The following PCCA variants were observed in gnomAD, a reference collection of about 807,000 sequenced individuals.
The protein encoded by PCCA is propionyl-CoA carboxylase alpha chain, mitochondrial.
In PCCA, 74 loss-of-function variants were observed where a neutral mutation model predicts 101.3. That is an observed-to-expected ratio of 0.73 (90% CI 0.61 to 0.89). The LOEUF (loss-of-function observed/expected upper bound fraction) is 0.89. PCCA is among the 40% of genes least tolerant of loss of function. PCCA has a pLI of 0.00. For missense variants in PCCA, 891 were observed against 907.0 expected (o/e 0.98, Z 0.23); for synonymous variants, 294 against 313.6 (o/e 0.94, Z 0.66).
chr13:100,450,389 G>A (rs1331173828), intron 21 of PCCA, among the ~76,000 whole-genome samples: 2 of 148,540 alleles, frequency 1.3e-5, no homozygotes, highest in African/African-American at 2.5e-5. Context: ...GCGAGACCCC[G>A]TCTCAAAAAA....
intron 19 of PCCA, among the ~76,000 whole-genome samples, chr13:100,418,843 AAAG>A (rs1182824463): frequency 6.6e-6 from 1 of 151,548 alleles, no homozygotes; most frequent in East Asian, 1.9e-4. Flanking sequence ...CAAAAAAAAA[AAAG>A]AAAAAAGAAG....
chr13:100,231,311 G>A (rs1478790198), intron 7 of PCCA, among the ~76,000 whole-genome samples: 2 of 152,322 alleles, frequency 1.3e-5, no homozygotes, highest in Non-Finnish European at 2.9e-5. Flanking sequence ...GGTAAAAGGG[G>A]AGAGAGTTAC....
At chr13:100,356,871 T>G (rs1332230919) in intron 18 of PCCA, among the ~76,000 whole-genome samples, 1 of 152,190 alleles carries the variant, frequency 6.6e-6, no homozygotes, top group Non-Finnish European at 1.5e-5. Flanking sequence ...GTTCATAGAA[T>G]GGATTATTTT....
intron 8 of PCCA, among the ~76,000 whole-genome samples, chr13:100,238,095 T>G (rs929173306): frequency 6.6e-6 from 1 of 151,812 alleles, no homozygotes; most frequent in African/African-American, 2.4e-5. Context: ...CACACCACAA[T>G]GCCAGCTAAT....
At chr13:100,185,717 G>A (rs920989403) in intron 6 of PCCA, among the ~76,000 whole-genome samples, 2 of 151,238 alleles carry the variant, frequency 1.3e-5, no homozygotes, top group Non-Finnish European at 2.9e-5. Context: ...GTGCGATCTC[G>A]GCTCACCGCA....
At chr13:100,367,079 A>G (rs1370831132) in intron 18 of PCCA, among the ~76,000 whole-genome samples, 1 of 152,232 alleles carries the variant, frequency 6.6e-6, no homozygotes, top group Admixed American at 6.5e-5. Flanking sequence ...CCCAGATACT[A>G]CAAAATGCTG....
At chr13:100,165,880 TC>T (rs2054988911) in intron 6 of PCCA, among the ~76,000 whole-genome samples, 1 of 152,026 alleles carries the variant, frequency 6.6e-6, no homozygotes. Context: ...CAAGACCCTG[TC>T]TCAAAAAAAT....
At chr13:100,370,162 CA>C (rs2075485734) in intron 19 of PCCA, among the ~76,000 whole-genome samples, 1 of 137,776 alleles carries the variant, frequency 7.3e-6, no homozygotes, top group Admixed American at 8.3e-5. Context: ...CGGCTCACTG[CA>C]GCCTCTTCCT....
intron 8 of PCCA, among the ~76,000 whole-genome samples, chr13:100,247,215 G>GTTTT (rs143058621): frequency 0.011 from 1,190 of 108,210 alleles, 29 homozygotes; most frequent in African/African-American, 0.041. Context: ...GCCTGTGTGG[G>GTTTT]TTTTTTTTTT....
At chr13:100,492,272 C>T (rs547528005) in intron 21 of PCCA, among the ~76,000 whole-genome samples, 2 of 152,172 alleles carry the variant, frequency 1.3e-5, no homozygotes, top group African/African-American at 4.8e-5. Flanking sequence ...GTAGCTGGGA[C>T]TACAGGTGCC....
chr13:100,236,113 A>C (rs963219266), intron 8 of PCCA, among the ~76,000 whole-genome samples: 1 of 152,238 alleles, frequency 6.6e-6, no homozygotes, highest in Non-Finnish European at 1.5e-5. Context: ...ATGAGATCAC[A>C]GGCTAATTCA....
intron 16 of PCCA, among the ~76,000 whole-genome samples, chr13:100,324,692 A>G (rs1308366277): frequency 1.3e-5 from 2 of 152,210 alleles, no homozygotes; most frequent in African/African-American, 4.8e-5. Context: ...TCATAACCAC[A>G]TTAAGATTCA....
chr13:100,286,110 C>T lies in PCCA; in HGVS notation c.1065+12764C>T, dbSNP rs377280256. 1.5e-3 allele frequency among the ~76,000 whole-genome samples: 226 copies of T among 152,280 alleles called. 2 individuals are homozygous for T. Among genetic ancestry groups the T allele is most frequent in the South Asian group, 0.011 (52 of 4,820 alleles). On this transcript the variant is annotated intron_variant, in intron 12 of 23. Coordinates refer to ENST00000376285, the MANE Select transcript of PCCA (RefSeq NM_000282.4). Reference sequence around the variant, plus strand: ...TGGGGGGGAAGCAGGCCATTAACTACGCTGCCTCATGGGGAAGTGGGGTAT... The same window carrying T: ...TGGGGGGGAAGCAGGCCATTAACTATGCTGCCTCATGGGGAAGTGGGGTAT...
chr13:100,419,834 A>T (rs2078631309), intron 19 of PCCA, among the ~76,000 whole-genome samples: 1 of 152,244 alleles, frequency 6.6e-6, no homozygotes, highest in Non-Finnish European at 1.5e-5. Context: ...TAAAGAGAAG[A>T]AGTCATCTGC....
intron 16 of PCCA, among the ~76,000 whole-genome samples, chr13:100,320,780 C>T (rs2067944476): frequency 1.3e-5 from 2 of 152,132 alleles, no homozygotes; most frequent in Non-Finnish European, 1.5e-5. Context: ...ATTTTAGGGC[C>T]TCTCTGTATT....
intron 6 of PCCA, among the ~76,000 whole-genome samples, chr13:100,178,735 TA>T (rs71713122): frequency 0.054 from 8,238 of 151,440 alleles, 754 homozygotes; most frequent in African/African-American, 0.19. Flanking sequence ...GCCTGTTTAT[TA>T]AAAAAAAATA....
At chr13:100,515,888 T>C (rs1043344792) in intron 22 of PCCA, among the ~76,000 whole-genome samples, 6 of 152,376 alleles carry the variant, frequency 3.9e-5, no homozygotes, top group African/African-American at 1.2e-4. Context: ...TATGCTGTGC[T>C]CAAAGCATCC....
chr13:100,413,304 T>C (rs1438002274), intron 19 of PCCA, among the ~76,000 whole-genome samples: 1 of 152,212 alleles, frequency 6.6e-6, no homozygotes, highest in Non-Finnish European at 1.5e-5. Flanking sequence ...TTTATGGACG[T>C]CTTATAGTCC....
intron 10 of PCCA, among the ~76,000 whole-genome samples, chr13:100,266,113 T>C (rs2062919098): frequency 6.6e-6 from 1 of 152,216 alleles, no homozygotes; most frequent in South Asian, 2.1e-4. Context: ...TCCTTCACTG[T>C]ATTCCCCATC....
Sources: allele counts gnomAD v4.1 joint callset (sites outside exome capture counted in the v4.1 genomes callset), GRCh38; gene constraint gnomAD v4.1.1; transcripts MANE v1.5; gene names NCBI Gene and HGNC (gene_info 2026-07-23, HGNC 2026-07-21).